The following CEP112 variants were observed in gnomAD, a reference collection of about 807,000 sequenced individuals.
The protein encoded by CEP112 is centrosomal protein of 112 kDa.
CEP112 carries 127 observed loss-of-function variants against 153.0 expected under a neutral mutation model. The observed-to-expected ratio is 0.83, with a 90% CI of 0.72 to 0.96. The LOEUF is 0.96. Ranked by LOEUF, CEP112 falls within the 40% of genes least tolerant of loss-of-function variation. The probability of loss-of-function intolerance (pLI) is 0.00; values close to 1 mark genes in which losing one functional copy is unlikely to be tolerated. For synonymous variants in CEP112, 358 were observed against 374.4 expected (o/e 0.96, Z 0.51); for missense variants, 1,089 against 1,101.2 (o/e 0.99, Z 0.16).
chr17:65,673,883 T>G (rs2047099503), intron 24 of CEP112, among the ~76,000 whole-genome samples: 1 of 152,162 alleles, frequency 6.6e-6, no homozygotes, highest in African/African-American at 2.4e-5. Context: ...AAAATAAACT[T>G]TCTTTTTTTT....
chr17:65,671,282 T>C (rs890813153), intron 24 of CEP112, among the ~76,000 whole-genome samples: 1 of 152,086 alleles, frequency 6.6e-6, no homozygotes, highest in Non-Finnish European at 1.5e-5. Context: ...GAAGGGGAAA[T>C]TGGGAGGTAG....
At chr17:66,142,473 A>G (rs2070743394) in intron 4 of CEP112, among the ~76,000 whole-genome samples, 2 of 152,136 alleles carry the variant, frequency 1.3e-5, no homozygotes, top group African/African-American at 4.8e-5. Flanking sequence ...CTAGTCGTTT[A>G]CAGTTTCAGA....
intron 23 of CEP112, among the ~76,000 whole-genome samples, chr17:65,723,976 G>T (rs1323006108): frequency 1.3e-5 from 2 of 152,128 alleles, no homozygotes; most frequent in African/African-American, 4.8e-5. Flanking sequence ...TATTTATTTA[G>T]GTGGTTAGAG....
chr17:65,819,055 A>C (rs933134938), intron 21 of CEP112, among the ~76,000 whole-genome samples: 2 of 151,906 alleles, frequency 1.3e-5, no homozygotes, highest in Non-Finnish European at 2.9e-5. Context: ...TCAATCCACT[A>C]ATTTTTGAAA....
chr17:66,174,054 G>A (rs1361366015), intron 4 of CEP112, among the ~76,000 whole-genome samples: 1 of 151,900 alleles, frequency 6.6e-6, no homozygotes, highest in South Asian at 2.1e-4. Context: ...TCAGCCTCCT[G>A]AGTAGCTGGG....
Position 66,013,738 on chromosome 17 carries a change from G to C in CEP112, c.1657-7969C>G, listed in dbSNP as rs139572430. Among the ~76,000 whole-genome samples the C allele has an allele frequency of 5.9e-5, 9 of 152,344 alleles. No homozygotes were observed. The East Asian group carries it at 1.7e-3, about 29-fold the overall frequency. On this transcript the variant is annotated intron_variant, in intron 16 of 26. Coordinates refer to ENST00000535342, the MANE Select transcript of CEP112 (RefSeq NM_001199165.4). Reference sequence around the variant, plus strand: ...CCAGCAGCAGTGGTAGTACACCAGGGTTCACCCTTGTTAGCTGGGGTGGGG... The same window carrying C: ...CCAGCAGCAGTGGTAGTACACCAGGCTTCACCCTTGTTAGCTGGGGTGGGG...
chr17:65,875,225 G>A (rs1033805962), intron 20 of CEP112, among the ~76,000 whole-genome samples: 8 of 152,070 alleles, frequency 5.3e-5, no homozygotes, highest in African/African-American at 1.9e-4. Context: ...TAATTCTTTG[G>A]AACATATCAG....
At chr17:65,929,397 C>T (rs1465096288) in intron 18 of CEP112, among the ~76,000 whole-genome samples, 1 of 152,180 alleles carries the variant, frequency 6.6e-6, no homozygotes, top group East Asian at 1.9e-4. Context: ...GAAGTGCTCT[C>T]ACCTTGTGGG....
chr17:65,971,286 TAACA>T (rs974156953), intron 17 of CEP112, among the ~76,000 whole-genome samples: 9 of 152,206 alleles, frequency 5.9e-5, no homozygotes, highest in South Asian at 2.1e-4. Context: ...CACATGCACA[TAACA>T]AATATGCACG....
chr17:65,782,585 A>G (rs1466996290), intron 21 of CEP112, among the ~76,000 whole-genome samples: 2 of 152,236 alleles, frequency 1.3e-5, no homozygotes, highest in East Asian at 3.8e-4. Context: ...CCATGGAATC[A>G]ACCTAGGTGC....
At position 66,191,979 on chromosome 17, in the gene CEP112, T is replaced by C. The variant is rs2146970649; in HGVS notation, c.-9+18A>G. ...GGTGGGAGGGGCGGGGGAAGGAAAT[T>C]CAGAAAAAAACGAGAACCTGGCACC... On this transcript the variant is annotated intron_variant, in intron 1 of 26. Transcript: ENST00000535342. The surrounding 1 kb of genome is among the most constrained non-coding windows in gnomAD (Gnocchi z 4.2). 1 of 152,446 alleles carries C rather than the reference T, an allele frequency of 6.6e-6. No homozygotes were observed. Among genetic ancestry groups the C allele is most frequent in the East Asian group, 2.0e-4 (1 of 5,110 alleles). 9.4% of individuals were successfully genotyped at this position (152,446 alleles called of 1,614,324 possible).
intron 23 of CEP112, among the ~76,000 whole-genome samples, chr17:65,707,554 C>A (rs2048978774): frequency 1.3e-5 from 2 of 152,200 alleles, no homozygotes; most frequent in South Asian, 4.1e-4. Flanking sequence ...CTTCCACATG[C>A]CTCTCAGGCT....
At chr17:65,864,753 C>A (rs1464414579) in intron 20 of CEP112, among the ~76,000 whole-genome samples, 1 of 152,124 alleles carries the variant, frequency 6.6e-6, no homozygotes, top group African/African-American at 2.4e-5. Flanking sequence ...TTTATTATTA[C>A]AAGGACGTAA....
At chr17:66,044,534 C>T (rs2066119511) in intron 12 of CEP112, among the ~76,000 whole-genome samples, 2 of 152,068 alleles carry the variant, frequency 1.3e-5, no homozygotes, top group South Asian at 2.1e-4. Context: ...ATTATTTAGC[C>T]TTTAAAAAGG....
At chr17:65,960,860 G>T (rs189600102) in intron 18 of CEP112, among the ~76,000 whole-genome samples, 2 of 152,280 alleles carry the variant, frequency 1.3e-5, no homozygotes, top group Admixed American at 1.3e-4. Context: ...AATGTGATTA[G>T]ACATGAAAAC....
At chr17:65,706,564 C>A (rs1474811468) in intron 23 of CEP112, among the ~76,000 whole-genome samples, 1 of 152,224 alleles carries the variant, frequency 6.6e-6, no homozygotes, top group Non-Finnish European at 1.5e-5. Context: ...TTAACAGGTT[C>A]AAAACTGGAC....
intron 19 of CEP112, among the ~76,000 whole-genome samples, 173 bp from the exon 20 acceptor site, chr17:65,902,507 C>T (rs1359785651): frequency 6.6e-6 from 1 of 151,970 alleles, no homozygotes; most frequent in Non-Finnish European, 1.5e-5. Flanking sequence ...TTATGCAAAC[C>T]TCCTAATATT....
intron 23 of CEP112, among the ~76,000 whole-genome samples, chr17:65,694,332 G>C (rs2048261530): frequency 6.6e-6 from 1 of 152,182 alleles, no homozygotes; most frequent in Admixed American, 6.5e-5. Context: ...CTAGCCAAAA[G>C]AAAGTTCCAA....
At chr17:65,643,248 C>T (rs2045244967) in intron 24 of CEP112, among the ~76,000 whole-genome samples, 2 of 152,162 alleles carry the variant, frequency 1.3e-5, no homozygotes, top group Admixed American at 1.3e-4. Context: ...ATAGGCATTG[C>T]TCAAGTACTG....
Sources: allele counts gnomAD v4.1 joint callset (sites outside exome capture counted in the v4.1 genomes callset), GRCh38; gene constraint gnomAD v4.1.1; non-coding constraint Gnocchi (gnomAD v3.1); transcripts MANE v1.5; gene names NCBI Gene and HGNC (gene_info 2026-07-23, HGNC 2026-07-21).